The following ZNF662 variants were observed in gnomAD, a reference collection of about 807,000 sequenced individuals.
ZNF662 encodes the protein zinc finger protein 662.
ZNF662 carries 14 observed loss-of-function variants against 12.4 expected under a neutral mutation model. The observed-to-expected ratio is 1.13, with a 90% CI of 0.75 to 1.77. The LOEUF is 1.77. Among genes scored for constraint, ZNF662 ranks in the 40% most tolerant of loss-of-function variants. ZNF662 has a pLI of 0.00. For synonymous variants in ZNF662, 184 were observed against 176.4 expected (o/e 1.04, Z -0.34); for missense variants, 550 against 515.6 (o/e 1.07, Z -0.65).
intron 3 of ZNF662, among the ~76,000 whole-genome samples, chr3:42,909,472 C>T (rs571801151): frequency 1.3e-5 from 2 of 152,196 alleles, no homozygotes; most frequent in African/African-American, 4.8e-5. Context: ...TCTTTCTACA[C>T]AGACACAGTA....
In ZNF662 at chr3:42,906,332, C is replaced by G. The variant is rs1198866110; in HGVS notation, c.-94+164C>G. Reference sequence around the variant, plus strand: ...GTCCGGTCTGGCGCGCCCTCGCTTTCCCAGAGGGCGACCTGGGCTATGGCG... The same window carrying G: ...GTCCGGTCTGGCGCGCCCTCGCTTTGCCAGAGGGCGACCTGGGCTATGGCG... On this transcript the variant is annotated intron_variant, in intron 1 of 4. Transcript: ENST00000440367. The surrounding 1 kb of genome is among the most constrained non-coding windows in gnomAD (Gnocchi z 4.4). The G allele has an allele frequency of 3.3e-6, 5 of 1,528,392 alleles. No individual in the cohort carries two copies. Among genetic ancestry groups the G allele is most frequent in the Non-Finnish European group, 4.4e-6 (5 of 1,142,376 alleles). 94.7% of individuals were successfully genotyped at this position (1,528,392 alleles called of 1,614,324 possible).
Position 42,908,867 on chromosome 3 carries a change from C to G in ZNF662, c.109C>G (p.Arg37Gly). Reference protein sequence around the residue: ...RGETPWCSVPRGALDGEAPRG... With the variant: ...RGETPWCSVPGGALDGEAPRG... ...GGAAACACCCTGGTGCTCGGTTCCT[C>G]GGGGAGCTCTGGATGGAGAGGCCCC... is the stretch of plus-strand genomic sequence containing the variant. The change falls in exon 3 of 5, where the codon CGG (arginine) becomes GGG (glycine). Residue 37 changes from arginine to glycine, a missense_variant. Transcript: ENST00000440367. The G allele has an allele frequency of 6.2e-7, 1 of 1,613,512 alleles. No homozygotes were observed. The highest frequency in any genetic ancestry group is 8.5e-7 in the Non-Finnish European group (1 of 1,179,478).
intron 1 of ZNF662, chr3:42,907,708 G>A (rs2088702815): frequency 1.0e-6 from 1 of 985,348 alleles, no homozygotes; most frequent in Non-Finnish European, 1.2e-6. Flanking sequence ...ACACATTGTG[G>A]AGAGAGGATG....
rs2088889454 is a variant in ZNF662 at position 42,915,581 on chromosome 3, C to T, written c.*227C>T. 1 of 465,452 alleles carries T rather than the reference C, an allele frequency of 2.1e-6. No individual in the cohort carries two copies. Among genetic ancestry groups the T allele is most frequent in the Admixed American group, 3.8e-5 (1 of 26,016 alleles). The allele number at this position is 465,452 out of a possible 1,614,324, so 28.8% of individuals were successfully genotyped here. ...CAGCTACTCTGTATCAGGTGCTAAC[C>T]ACTTTACATACATTAATTTGCATAA... On this transcript the variant is annotated 3_prime_UTR_variant, in exon 5 of 5. Transcript: ENST00000440367.
At position 42,906,456 on chromosome 3, in the gene ZNF662, G is replaced by A; in HGVS notation, c.-94+288G>A. On this transcript the variant is annotated intron_variant, in intron 1 of 4. Coordinates refer to ENST00000440367, the MANE Select transcript of ZNF662 (RefSeq NM_207404.4). This position sits in a 1 kb window ranked among gnomAD's most constrained non-coding sequence, Gnocchi z 4.4. ...GGGCGCGCCGGGTGAGTGCGGGGCC[G>A]GAGCCTGGAAGCAGTCTTGGCCCTG... 2.1e-6 allele frequency: 3 copies of A among 1,427,734 alleles called. No individual in the cohort carries two copies. The highest frequency in any genetic ancestry group is 2.7e-6 in the Non-Finnish European group (3 of 1,096,724). 88.4% of individuals were successfully genotyped at this position (1,427,734 alleles called of 1,614,324 possible). A position where few individuals can be genotyped will look rare whatever the true frequency, so the allele number is the denominator to read the frequency against.
At position 42,908,586 on chromosome 3, in the gene ZNF662, C is replaced by T; in HGVS notation, c.35-207C>T. 4 of 1,405,574 alleles carry T rather than the reference C, an allele frequency of 2.8e-6. No individual in the cohort carries two copies. In the South Asian group the frequency reaches 4.9e-5, roughly 17 times the overall value. 87.1% of individuals were successfully genotyped at this position (1,405,574 alleles called of 1,614,324 possible). A position where few individuals can be genotyped will look rare whatever the true frequency, so the allele number is the denominator to read the frequency against. ...GAAATCATCCATTTGCTGACTCAAACAGTTACTGAGTCGTCTGTCAACTTC... is the reference window on the plus strand; with the variant it reads ...GAAATCATCCATTTGCTGACTCAAATAGTTACTGAGTCGTCTGTCAACTTC... On this transcript the variant is annotated intron_variant, in intron 2 of 4. Coordinates refer to ENST00000440367, the MANE Select transcript of ZNF662 (RefSeq NM_207404.4).
Position 42,906,290 on chromosome 3 carries a change from G to T in ZNF662, c.-94+122G>T. On this transcript the variant is annotated intron_variant, in intron 1 of 4. Coordinates refer to ENST00000440367, the MANE Select transcript of ZNF662 (RefSeq NM_207404.4). The surrounding 1 kb of genome is among the most constrained non-coding windows in gnomAD (Gnocchi z 4.4). ...GCCCAGGTGCAGAGCGCTCTTCCGC[G>T]ACCCCAACAGCCTCTGGTCCGGTCT... 1.3e-6 allele frequency: 2 copies of T among 1,482,092 alleles called. No homozygotes were observed. The highest frequency in any genetic ancestry group is 1.2e-5 in the South Asian group (1 of 80,602). The allele number at this position is 1,482,092 out of a possible 1,614,324, so 91.8% of individuals were successfully genotyped here.
At position 42,913,268 on chromosome 3, in the gene ZNF662, A is replaced by G; in HGVS notation, c.219A>G (p.Lys73=). Residue 73 remains lysine, a synonymous_variant, in exon 4 of 5, where the codon AAA becomes AAG. Transcript: ENST00000440367. ...PEQVEEPLNL[K]LQGEGPSLIC... Reference sequence around the variant, plus strand: ...AGGTGGAAGAGCCATTAAACCTGAAACTGCAAGGAGAGGGTCCAAGCCTGA... The same window carrying G: ...AGGTGGAAGAGCCATTAAACCTGAAGCTGCAAGGAGAGGGTCCAAGCCTGA... 2 of 1,613,980 alleles carry G rather than the reference A, an allele frequency of 1.2e-6. No homozygotes were observed. The highest frequency in any genetic ancestry group is 8.5e-7 in the Non-Finnish European group (1 of 1,179,924).
Position 42,914,726 on chromosome 3 carries a change from A to C in ZNF662, c.653A>C (p.Lys218Thr). ...DQHQKTHNGE[K>T]VYGCKECGKA... ...CACCAGAAAACTCATAATGGAGAGA[A>C]GGTCTATGGATGTAAGGAATGTGGG... The change falls in exon 5 of 5, where the codon AAG (lysine) becomes ACG (threonine). Residue 218 changes from lysine (K) to threonine (T), a missense_variant. Coordinates refer to ENST00000440367, the MANE Select transcript of ZNF662 (RefSeq NM_207404.4). 6.2e-7 allele frequency: 1 copy of C among 1,614,242 alleles called. No individual in the cohort carries two copies. The highest frequency in any genetic ancestry group is 8.5e-7 in the Non-Finnish European group (1 of 1,180,038).
intron 2 of ZNF662, chr3:42,908,378 C>G: frequency 7.5e-7 from 1 of 1,335,436 alleles, no homozygotes; most frequent in Non-Finnish European, 9.6e-7. Context: ...AACCCCTACC[C>G]TTGTGTTGTG....
intron 4 of ZNF662, among the ~76,000 whole-genome samples, chr3:42,913,919 G>C (rs149001226): frequency 1.3e-5 from 2 of 152,152 alleles, no homozygotes; most frequent in African/African-American, 4.8e-5. Context: ...TCTGCTGCAT[G>C]TGACAAGCCC....
In ZNF662 at chr3:42,914,862, G is replaced by C. The variant is rs371621248; in HGVS notation, c.789G>C (p.Leu263=). ...AGGCCTTTGTTTGGAAGTCAAACCT[G>C]ATTCGTCACCAGAGAATACATACTG... ...CAKAFVWKSN[L]IRHQRIHTGE... Residue 263 remains leucine (L), a synonymous_variant, in exon 5 of 5, where the codon CTG becomes CTC. Coordinates refer to ENST00000440367, the MANE Select transcript of ZNF662 (RefSeq NM_207404.4). The C allele has an allele frequency of 1.2e-6, 2 of 1,613,906 alleles. No individual in the cohort carries two copies. Among genetic ancestry groups the C allele is most frequent in the Non-Finnish European group, 1.7e-6 (2 of 1,180,016 alleles).
At chr3:42,907,564 G>A (rs2088701169) in intron 1 of ZNF662, 2 of 532,880 alleles carry the variant, frequency 3.8e-6, no homozygotes, top group Non-Finnish European at 4.8e-6. Context: ...TAATCCCTCC[G>A]AGTCTCAGTT....
chr3:42,913,666 G>A (rs1186956438), intron 4 of ZNF662, among the ~76,000 whole-genome samples: 1 of 152,100 alleles, frequency 6.6e-6, no homozygotes, highest in Non-Finnish European at 1.5e-5. Context: ...ATCCTGGAAG[G>A]ACTCACAGTC....
intron 2 of ZNF662, chr3:42,908,417 G>A: frequency 7.8e-7 from 1 of 1,277,102 alleles, no homozygotes; most frequent in African/African-American, 1.5e-5. Flanking sequence ...CAAATTCATG[G>A]TGCTCCACTG....
chr3:42,912,463 A>G (rs2088814812), intron 3 of ZNF662, among the ~76,000 whole-genome samples: 1 of 81,776 alleles, frequency 1.2e-5, no homozygotes, highest in Non-Finnish European at 2.1e-5. Context: ...ATTATATGTT[A>G]TAATATATAT....
rs540734818 is a variant in ZNF662 at position 42,908,037 on chromosome 3, G to C, written c.-78G>C. 2 of 1,614,146 alleles carry C rather than the reference G, an allele frequency of 1.2e-6. No individual in the cohort carries two copies. Among genetic ancestry groups the C allele is most frequent in the Non-Finnish European group, 1.7e-6 (2 of 1,180,010 alleles). ...GTTGTTTCAGGAGTCAGTGACCTTC[G>C]AGGATGTGGCCGTCTACTTCTCTGA... On this transcript the variant is annotated 5_prime_UTR_variant, in exon 2 of 5. Coordinates refer to ENST00000440367, the MANE Select transcript of ZNF662 (RefSeq NM_207404.4).
chr3:42,908,242 C>T (rs1407142227), intron 2 of ZNF662, 94 bp downstream of exon 2: 17 of 1,502,134 alleles, frequency 1.1e-5, no homozygotes, highest in Non-Finnish European at 1.3e-5. Context: ...TAACCCTCAG[C>T]TCAATGGCAG....
rs1336790099 is a variant in ZNF662, at chr3:42,917,444, A to G, written c.*2090A>G. 4.4e-6 allele frequency: 3 copies of G among 679,922 alleles called. No homozygotes were observed. The highest frequency in any genetic ancestry group is 7.9e-6 in the Non-Finnish European group (3 of 379,060). 42.1% of individuals were successfully genotyped at this position (679,922 alleles called of 1,614,324 possible). A position where few individuals can be genotyped will look rare whatever the true frequency, so the allele number is the denominator to read the frequency against. On this transcript the variant is annotated 3_prime_UTR_variant, in exon 5 of 5. Coordinates refer to ENST00000440367, the MANE Select transcript of ZNF662 (RefSeq NM_207404.4). The stretch of plus-strand genomic sequence containing the variant: ...ATTATAGCAACTTTTTTTTTCTGTT[A>G]AAAGGGGAGATTCTCAAGCTTCCAG...
Sources: allele counts gnomAD v4.1 joint callset (sites outside exome capture counted in the v4.1 genomes callset), GRCh38; gene constraint gnomAD v4.1.1; non-coding constraint Gnocchi (gnomAD v3.1); transcripts MANE v1.5; gene names NCBI Gene and HGNC (gene_info 2026-07-23, HGNC 2026-07-21).